Variants in MUCL3 observed in about 807,000 individuals in gnomAD.
MUCL3 encodes the protein mucin like 3.
MUCL3 carries 42 observed loss-of-function variants against 70.2 expected under a neutral mutation model. The ratio of observed to expected loss-of-function variants is 0.60; its 90% CI spans 0.47 to 0.77. The LOEUF is 0.77. Ranked by LOEUF, MUCL3 falls within the 30% of genes least tolerant of loss-of-function variation. The pLI, the probability that MUCL3 is intolerant of heterozygous loss-of-function variation, is 0.00. For synonymous variants in MUCL3, 522 were observed against 647.0 expected (o/e 0.81, Z 2.93); for missense variants, 1,429 against 1,670.0 (o/e 0.86, Z 2.52).
intron 1 of MUCL3, among the ~76,000 whole-genome samples, chr6:30,947,536 C>T (rs1795826568): frequency 6.6e-6 from 1 of 151,914 alleles, no homozygotes; most frequent in Admixed American, 6.6e-5. Context: ...ACTCTTTTGG[C>T]TAGGTATCAG....
chr6:30,941,990 C>T (rs1047032978), intron 1 of MUCL3, among the ~76,000 whole-genome samples: 2 of 152,154 alleles, frequency 1.3e-5, no homozygotes. Flanking sequence ...ACCCATTTGC[C>T]TACTCTGGCC....
At chr6:30,943,024 AGGTCGG>A (rs1795642486) in intron 1 of MUCL3, among the ~76,000 whole-genome samples, 5 of 152,042 alleles carry the variant, frequency 3.3e-5, no homozygotes, top group Non-Finnish European at 5.9e-5. Context: ...GGTTGTGATG[AGGTCGG>A]GTGGAACTGG....
At position 30,941,078 on chromosome 6, in the gene MUCL3, G is replaced by A; in HGVS notation, c.79G>A (p.Ala27Thr). 6.5e-7 allele frequency: 1 copy of A among 1,550,152 alleles called. No homozygotes were observed. Among genetic ancestry groups the A allele is most frequent in the Non-Finnish European group, 8.7e-7 (1 of 1,146,974 alleles). The part of the protein sequence containing the change: ...CLLFLLASWG[A>T]GATTFQEYQK... ...CCTCTTCCTTCTAGCTTCTTGGGGG[G>A]CAGGTAAGATGCCCACAGGGGATAC... Residue 27 changes from alanine (A) to threonine (T), a missense_variant, in exon 1 of 3, where the codon GCA (alanine) becomes ACA (threonine). By Grantham distance (58) the Ala-to-Thr change is moderately conservative. Transcript: ENST00000462446.
chr6:30,945,184 G>A (rs532732552), intron 1 of MUCL3, among the ~76,000 whole-genome samples: 7 of 152,312 alleles, frequency 4.6e-5, no homozygotes, highest in East Asian at 1.9e-4. Flanking sequence ...TTTACTTAAC[G>A]TGCATGATGA....
chr6:30,943,589 T>G (rs553653770), intron 1 of MUCL3, among the ~76,000 whole-genome samples: 2 of 151,066 alleles, frequency 1.3e-5, no homozygotes, highest in Non-Finnish European at 3.0e-5. Context: ...CCAGATGAAA[T>G]CATCTGAGGG....
chr6:30,941,005 C>T lies in MUCL3; in HGVS notation c.6C>T (p.Ala2=). 1 of 1,549,738 alleles carries T rather than the reference C, an allele frequency of 6.5e-7. No individual in the cohort carries two copies. Among genetic ancestry groups the T allele is most frequent in the South Asian group, 1.2e-5 (1 of 84,040 alleles). The change falls in exon 1 of 3, where the codon GCC becomes GCT. Residue 2 remains alanine, a synonymous_variant. Transcript: ENST00000462446. The part of the protein sequence containing the change: M[A]QPVHSLCSAF... ...AGCAGCCACCCAGCTCCGACATGGC[C>T]CAGCCGGTCCACAGCCTCTGCTCCG...
At position 30,952,156 on chromosome 6, in the gene MUCL3, A is replaced by C. The variant is rs1192393894; in HGVS notation, c.3692A>C (p.Asn1231Thr). ...AAAGCCCCAGTAAAGTCCACAGAAA[A>C]CCCAGAAAAAACAGCAGCAGTCACA... ...TIKAPVKSTE[N>T]PEKTAAVTKT... The change falls in exon 2 of 3, where the codon AAC becomes ACC. Residue 1231 changes from asparagine (N) to threonine (T), a missense_variant. Coordinates refer to ENST00000462446, the MANE Select transcript of MUCL3 (RefSeq NM_080870.4). The C allele has an allele frequency of 2.5e-5, 41 of 1,614,014 alleles. No homozygotes were observed. Among genetic ancestry groups the C allele is most frequent in the Non-Finnish European group, 3.3e-5 (39 of 1,179,996 alleles).
Position 30,949,104 on chromosome 6 carries a change from G to C in MUCL3, c.640G>C (p.Gly214Arg). Residue 214 changes from glycine (G) to arginine (R), a missense_variant, in exon 2 of 3, where the codon GGC (glycine) becomes CGC (arginine). By Grantham distance (125) the Gly-to-Arg change is moderately radical. Transcript: ENST00000462446. ...GACTACAACTTCCTTCCACAACTCA[G>C]GCAATTCACAGACCAAGCAAAAAAG... ...HKTTTSFHNS[G>R]NSQTKQKSTS... 6.4e-7 allele frequency: 1 copy of C among 1,550,938 alleles called. No homozygotes were observed. The highest frequency in any genetic ancestry group is 8.7e-7 in the Non-Finnish European group (1 of 1,146,812).
chr6:30,947,445 C>T (rs1034723326), intron 1 of MUCL3, among the ~76,000 whole-genome samples: 1 of 152,056 alleles, frequency 6.6e-6, no homozygotes, highest in Non-Finnish European at 1.5e-5. Context: ...TTCCGGTTGC[C>T]GCCTTGAGCT....
intron 1 of MUCL3, among the ~76,000 whole-genome samples, chr6:30,948,162 G>A (rs1247701589): frequency 6.6e-6 from 1 of 152,234 alleles, no homozygotes; most frequent in African/African-American, 2.4e-5. Flanking sequence ...ATGGCAGGGA[G>A]TGGAGGTCGG....
intron 1 of MUCL3, among the ~76,000 whole-genome samples, chr6:30,941,457 CTTTTTTT>C (rs9278811): frequency 3.8e-5 from 4 of 105,258 alleles, no homozygotes; most frequent in Non-Finnish European, 6.1e-5. Flanking sequence ...TCTTCTTCTT[CTTTTTTT>C]TTTTTTTTTT....
Position 30,949,543 on chromosome 6 carries a change from A to T in MUCL3, c.1079A>T (p.Glu360Val). The T allele has an allele frequency of 5.8e-6, 9 of 1,551,028 alleles. No individual in the cohort carries two copies. Among genetic ancestry groups the T allele is most frequent in the Non-Finnish European group, 7.8e-6 (9 of 1,146,882 alleles). ...ANENTTLFPA[E>V]PTEHGERTAN... ...GAGAATACCACACTATTCCCAGCAG[A>T]GCCTACAGAACATGGAGAAAGGACA... The change falls in exon 2 of 3, where the codon GAG becomes GTG. Residue 360 changes from glutamate to valine, a missense_variant. Transcript: ENST00000462446.
chr6:30,952,388 T>C lies in MUCL3; in HGVS notation c.3924T>C (p.Gly1308=). The C allele has an allele frequency of 6.2e-7, 1 of 1,614,130 alleles. No homozygotes were observed. The highest frequency in any genetic ancestry group is 1.1e-5 in the South Asian group (1 of 91,084). The change falls in exon 2 of 3, where the codon GGT becomes GGC. Residue 1308 remains glycine (G), a synonymous_variant. Coordinates refer to ENST00000462446, the MANE Select transcript of MUCL3 (RefSeq NM_080870.4). ...PYLNKDGSQK[G]IHAGQMGEND... Reference sequence around the variant, plus strand: ...TCAATAAAGATGGCTCACAGAAAGGTATCCACGCTGGACAGATGGGAGAGA... The same window carrying C: ...TCAATAAAGATGGCTCACAGAAAGGCATCCACGCTGGACAGATGGGAGAGA...
rs1393254478 is a variant in MUCL3 at position 30,953,005 on chromosome 6, C to T, written c.4070C>T (p.Thr1357Ile). 4 of 1,614,250 alleles carry T rather than the reference C, an allele frequency of 2.5e-6. No homozygotes were observed. Among genetic ancestry groups the T allele is most frequent in the Non-Finnish European group, 3.4e-6 (4 of 1,180,044 alleles). ...ATGATGCGGACACGCCGCACACTAA[C>T]CCAGAACACCCAGTACAATGATGCA... ...SYMMRTRRTL[T>I]QNTQYNDAED... Residue 1357 changes from threonine to isoleucine, a missense_variant, in exon 3 of 3, where the codon ACC (threonine) becomes ATC (isoleucine). Thr to Ile is a moderately conservative substitution (Grantham distance 89). Coordinates refer to ENST00000462446, the MANE Select transcript of MUCL3 (RefSeq NM_080870.4).
At position 30,952,506 on chromosome 6, in the gene MUCL3, G is replaced by A. The variant is rs777301242; in HGVS notation, c.4035+7G>A. The A allele has an allele frequency of 1.3e-6, 2 of 1,583,640 alleles. No individual in the cohort carries two copies. The highest frequency in any genetic ancestry group is 1.8e-5 in the Admixed American group (1 of 55,540). ...CCTTGGCCTGATCTTCTTGGTAAGGGACAGATGTGCCCCACAGAAATCAAC... is the reference window on the plus strand; with the variant it reads ...CCTTGGCCTGATCTTCTTGGTAAGGAACAGATGTGCCCCACAGAAATCAAC... On this transcript the variant is annotated splice_region_variant and intron_variant, in intron 2 of 2. Coordinates refer to ENST00000462446, the MANE Select transcript of MUCL3 (RefSeq NM_080870.4).
chr6:30,949,279 C>A lies in MUCL3; in HGVS notation c.815C>A (p.Thr272Asn). The change falls in exon 2 of 3, where the codon ACC becomes AAC. Residue 272 changes from threonine to asparagine, a missense_variant. Thr to Asn is a moderately conservative substitution (Grantham distance 65). Transcript: ENST00000462446. ...LTKTTKNIQE[T>N]ISANELTQSL... is the part of the protein sequence containing the mutation. ...AAAACTACAAAAAACATACAAGAGA[C>A]CATATCAGCCAATGAGCTCACACAA... 2 of 1,551,414 alleles carry A rather than the reference C, an allele frequency of 1.3e-6. No homozygotes were observed. The highest frequency in any genetic ancestry group is 1.2e-5 in the South Asian group (1 of 83,986).
In MUCL3 at chr6:30,950,417, G is replaced by A. The variant is rs764677529; in HGVS notation, c.1953G>A (p.Glu651=). The A allele has an allele frequency of 1.3e-6, 2 of 1,547,314 alleles. No individual in the cohort carries two copies. Among genetic ancestry groups the A allele is most frequent in the African/African-American group, 2.8e-5 (2 of 71,422 alleles). The stretch of plus-strand genomic sequence containing the variant: ...AAAATAGAGAAATGACAGCCAACGA[G>A]AAGACCACACTATTCCCAGCAGAGC... The part of the protein sequence containing the change: ...PTENREMTAN[E]KTTLFPAEPT... Residue 651 remains glutamate (E), a synonymous_variant, in exon 2 of 3, where the codon GAG becomes GAA. Transcript: ENST00000462446.
In MUCL3 at chr6:30,953,744, A is replaced by G. The variant is rs1760831082; in HGVS notation, c.*627A>G. On this transcript the variant is annotated 3_prime_UTR_variant, in exon 3 of 3. Transcript: ENST00000462446. ...AAAAAAAGTCCAGAAGAAATCATAA[A>G]TATCTCTCATCTACATGGTTGCTTC... 1 of 152,212 alleles carries G rather than the reference A, an allele frequency of 6.6e-6. No homozygotes were observed. Among genetic ancestry groups the G allele is most frequent in the African/African-American group, 2.4e-5 (1 of 41,422 alleles). The allele number at this position is 152,212 out of a possible 1,614,324, so 9.4% of individuals were successfully genotyped here.
At position 30,948,946 on chromosome 6, in the gene MUCL3, C is replaced by G; in HGVS notation, c.482C>G (p.Ala161Gly). ...ESAGKKHITP[A>G]PKSKINCRKS... ...GCTGGAAAAAAACATATAACGCCAGCACCCAAGAGCAAAATAAACTGTCGT... is the reference window on the plus strand; with the variant it reads ...GCTGGAAAAAAACATATAACGCCAGGACCCAAGAGCAAAATAAACTGTCGT... Residue 161 changes from alanine to glycine, a missense_variant, in exon 2 of 3, where the codon GCA becomes GGA. Ala to Gly is a moderately conservative substitution (Grantham distance 60). Transcript: ENST00000462446. 6.4e-7 allele frequency: 1 copy of G among 1,551,000 alleles called. No homozygotes were observed. The highest frequency in any genetic ancestry group is 8.7e-7 in the Non-Finnish European group (1 of 1,146,848).
Sources: gnomAD v4.1 joint callset for allele counts (sites outside exome capture counted in the v4.1 genomes callset) on GRCh38, gnomAD v4.1.1 for gene constraint, MANE v1.5 for transcripts, NCBI Gene and HGNC (gene_info 2026-07-23, HGNC 2026-07-21) for gene names.